Variants in CCND3 observed in about 807,000 individuals in gnomAD.
The protein encoded by CCND3 is G1/S-specific cyclin-D3.
A neutral mutation model predicts 28.7 loss-of-function variants in CCND3; 9 were observed. The ratio of observed to expected loss-of-function variants is 0.31; its 90% CI spans 0.19 to 0.55. CCND3 has a LOEUF of 0.55. Among genes scored for constraint, CCND3 ranks in the 20% least tolerant of loss-of-function variants. The probability of loss-of-function intolerance (pLI) is 0.93; values close to 1 mark genes in which losing one functional copy is unlikely to be tolerated. For synonymous variants in CCND3, 164 were observed against 163.9 expected, an observed-to-expected ratio of 1.00 and a Z score of 0.00; for missense variants, 315 against 385.8, an observed-to-expected ratio of 0.82 and a Z score of 1.54.
chr6:41,989,659 T>C (rs1762595782), intron 1 of CCND3, among the ~76,000 whole-genome samples: 1 of 152,138 alleles, frequency 6.6e-6, no homozygotes, highest in African/African-American at 2.4e-5. Context: ...ATGACTGAGA[T>C]ACCAAACATT....
At chr6:41,972,580 G>A (rs1762065207) in intron 1 of CCND3, among the ~76,000 whole-genome samples, 1 of 152,122 alleles carries the variant, frequency 6.6e-6, no homozygotes, top group South Asian at 2.1e-4. Context: ...GTTGCATAAA[G>A]GTTCCCATCA....
intron 1 of CCND3, among the ~76,000 whole-genome samples, chr6:41,989,477 A>C (rs931368518): frequency 2.0e-5 from 3 of 151,318 alleles, no homozygotes; most frequent in East Asian, 1.9e-4. Context: ...CAAAAAAAAA[A>C]AACAGAAAAG....
At chr6:42,012,115 T>G (rs1387300662) in intron 1 of CCND3, among the ~76,000 whole-genome samples, 1 of 152,210 alleles carries the variant, frequency 6.6e-6, no homozygotes, top group Admixed American at 6.5e-5. Context: ...AGGAATCATT[T>G]CAGGTTAAAC....
chr6:42,003,627 TAAAC>T, intron 1 of CCND3, among the ~76,000 whole-genome samples: 1 of 111,916 alleles, frequency 8.9e-6, no homozygotes, highest in Non-Finnish European at 1.8e-5. Flanking sequence ...AGACAGAAAA[TAAAC>T]AGTAGAAAAG....
In CCND3 at chr6:41,935,161, G is replaced by A. The variant is rs902837375; in HGVS notation, c.*779C>T. ...GAGAGGAGGGCATGACCCCACCCCA[G>A]GCTATAGCAGCTCCTTGGCCACAAA... On this transcript the variant is annotated 3_prime_UTR_variant, in exon 5 of 5. Coordinates refer to ENST00000372991, the MANE Select transcript of CCND3 (RefSeq NM_001760.5). 4.3e-6 allele frequency: 1 copy of A among 233,228 alleles called. No individual in the cohort carries two copies. Among genetic ancestry groups the A allele is most frequent in the African/African-American group, 2.2e-5 (1 of 45,334 alleles). 14.4% of individuals were successfully genotyped at this position (233,228 alleles called of 1,614,324 possible).
At chr6:42,047,288 G>A (rs868502081) in intron 1 of CCND3, among the ~76,000 whole-genome samples, 7 of 152,324 alleles carry the variant, frequency 4.6e-5, no homozygotes, top group Middle Eastern at 6.8e-3. Flanking sequence ...ATCCCCAACA[G>A]CTGTGGGAAT....
At chr6:42,007,882 A>G (rs2127425658) in intron 1 of CCND3, among the ~76,000 whole-genome samples, 1 of 152,196 alleles carries the variant, frequency 6.6e-6, no homozygotes, top group East Asian at 1.9e-4. Context: ...GAAGAAGTGG[A>G]GACAGCAGGT....
chr6:42,014,193 G>A (rs1461599495), intron 1 of CCND3, among the ~76,000 whole-genome samples: 1 of 148,468 alleles, frequency 6.7e-6, no homozygotes, highest in Non-Finnish European at 1.5e-5. Context: ...GTGAAACCCC[G>A]TCTCTACCAA....
At position 42,015,793 on chromosome 6, in the gene CCND3, A is replaced by AAT. The variant is rs999219779; in HGVS notation, c.-46+32706_-46+32707dup. 1.4e-4 allele frequency among the ~76,000 whole-genome samples: 21 copies of AAT among 152,016 alleles called. 1 individual carries two copies. Among genetic ancestry groups the AAT allele is most frequent in the African/African-American group, 4.1e-4 (17 of 41,508 alleles). On this transcript the variant is annotated intron_variant, in intron 1 of 4. Transcript: ENST00000372988. ...TATTGTGTACAATGTGATATTTTGA[A>AAT]ATATATATATATTGTGGAATGGCTA...
chr6:42,022,291 A>G (rs972532452), intron 1 of CCND3, among the ~76,000 whole-genome samples: 2 of 152,198 alleles, frequency 1.3e-5, no homozygotes, highest in African/African-American at 4.8e-5. Flanking sequence ...AGTATCTAGC[A>G]CTATGATGGT....
chr6:41,937,875 A>C (rs1775860609), intron 2 of CCND3: 1 of 172,128 alleles, frequency 5.8e-6, no homozygotes, highest in Admixed American at 5.4e-5. Flanking sequence ...CATCCCAGCC[A>C]AGTCCACACT....
chr6:42,006,870 T>C lies in CCND3; in HGVS notation c.-46+41631A>G, dbSNP rs549451816. 4.2e-3 allele frequency among the ~76,000 whole-genome samples: 639 copies of C among 150,824 alleles called. 6 individuals carry two copies. The highest frequency in any genetic ancestry group is 0.028 in the Middle Eastern group (8 of 286). On this transcript the variant is annotated intron_variant, in intron 1 of 4. Coordinates refer to the CCND3 transcript ENST00000372988. ...TTGCAGTGAGCCGAGATCGCTCCAC[T>C]GCACTCCAGCCTGGGTGACAGAGCA...
intron 1 of CCND3, among the ~76,000 whole-genome samples, chr6:42,028,166 C>G (rs934869280): frequency 5.3e-5 from 8 of 152,206 alleles, no homozygotes; most frequent in Non-Finnish European, 1.2e-4. Context: ...CGTGGCTGCT[C>G]TTACTATGAT....
At chr6:42,031,494 C>T (rs766691785) in intron 1 of CCND3, 3 of 152,210 alleles carry the variant, frequency 2.0e-5, no homozygotes, top group Non-Finnish European at 4.4e-5. Flanking sequence ...TTACTCTCGG[C>T]ACCTACTGTC....
intron 1 of CCND3, among the ~76,000 whole-genome samples, chr6:41,981,264 G>A (rs954081602): frequency 6.6e-6 from 1 of 151,850 alleles, no homozygotes; most frequent in African/African-American, 2.4e-5. Context: ...GGAGTGCATC[G>A]GTGCGATCTC....
chr6:42,010,798 A>G (rs1763323366), intron 1 of CCND3: 2 of 152,208 alleles, frequency 1.3e-5, no homozygotes, highest in African/African-American at 4.8e-5. Flanking sequence ...CACTGCCATC[A>G]GCGCTGAGGA....
At chr6:42,002,439 C>CA (rs57696991) in intron 1 of CCND3, among the ~76,000 whole-genome samples, 129,958 of 140,348 alleles carry the variant, frequency 0.93, 60,258 homozygotes, top group East Asian at 0.97. Context: ...GACTCCATCT[C>CA]AAAAAAAAAA....
chr6:42,033,905 A>G (rs1764118932), intron 1 of CCND3, among the ~76,000 whole-genome samples: 1 of 152,146 alleles, frequency 6.6e-6, no homozygotes. Flanking sequence ...CTATAATCCC[A>G]GCACTTTGGG....
At chr6:41,993,321 C>G (rs569468366) in intron 1 of CCND3, among the ~76,000 whole-genome samples, 1 of 152,200 alleles carries the variant, frequency 6.6e-6, no homozygotes, top group South Asian at 2.1e-4. Flanking sequence ...ATAGATGATA[C>G]CTCATTGTGG....
Sources: allele counts gnomAD v4.1 joint callset (sites outside exome capture counted in the v4.1 genomes callset), GRCh38; gene constraint gnomAD v4.1.1; transcripts MANE v1.5; gene names NCBI Gene and HGNC (gene_info 2026-07-23, HGNC 2026-07-21).